GRIP1: variants seen among roughly 807,000 people sequenced by gnomAD.
The protein encoded by GRIP1 is glutamate receptor interacting protein 1.
In GRIP1, 45 loss-of-function variants were observed where a neutral mutation model predicts 129.9. The ratio of observed to expected loss-of-function variants is 0.35; its 90% confidence interval spans 0.27 to 0.44. GRIP1 has a LOEUF of 0.44. GRIP1 is among the 20% of genes least tolerant of loss of function. GRIP1 has a pLI of 1.00. For synonymous variants in GRIP1, 530 were observed against 520.8 expected (o/e 1.02, Z -0.24); for missense variants, 1,196 against 1,396.8 (o/e 0.86, Z 2.29).
intron 1 of GRIP1, among the ~76,000 whole-genome samples, chr12:66,778,728 C>A (rs2038065772): frequency 6.6e-6 from 1 of 152,180 alleles, no homozygotes; most frequent in South Asian, 2.1e-4. Flanking sequence ...CAGTGTAGTG[C>A]TGGAGGTGCT....
intron 23 of GRIP1, among the ~76,000 whole-genome samples, chr12:66,360,343 A>G (rs1361800320): frequency 6.6e-6 from 1 of 152,082 alleles, no homozygotes; most frequent in Non-Finnish European, 1.5e-5. Context: ...GTCCTGCTCC[A>G]TGCTCCTATG....
At chr12:66,949,630 G>A (rs1309115381) in intron 1 of GRIP1, among the ~76,000 whole-genome samples, 1 of 152,006 alleles carries the variant, frequency 6.6e-6, no homozygotes, top group Non-Finnish European at 1.5e-5. Context: ...ATTTTAAAAA[G>A]TAGACACAAA....
At chr12:66,689,951 C>G (rs947171402) in intron 1 of GRIP1, among the ~76,000 whole-genome samples, 3 of 152,016 alleles carry the variant, frequency 2.0e-5, no homozygotes, top group Non-Finnish European at 4.4e-5. Flanking sequence ...CAGGGCCTCG[C>G]TTTCTTGCCC....
intron 1 of GRIP1, among the ~76,000 whole-genome samples, chr12:66,611,739 G>T (rs1416967297): frequency 1.3e-5 from 2 of 152,078 alleles, no homozygotes; most frequent in African/African-American, 4.8e-5. Flanking sequence ...TATCTTTTCT[G>T]CCATCAGCAA....
intron 7 of GRIP1, among the ~76,000 whole-genome samples, chr12:66,513,754 T>C (rs1218605741): frequency 2.6e-5 from 4 of 152,252 alleles, no homozygotes; most frequent in South Asian, 4.1e-4. Flanking sequence ...GACTAGGAAC[T>C]CTAGGGTGTG....
In GRIP1 at chr12:66,539,088, A is replaced by T. The variant is rs1415620920; in HGVS notation, c.408T>A (p.Leu136=). Residue 136 remains leucine (L), a synonymous_variant, in exon 4 of 25, where the codon CTT becomes CTA. Transcript: ENST00000359742. Reference sequence around the variant, plus strand: ...GGCTACTGTACTTACAGACCGGTGGAAGCTCGTACTCTACTTCAAGAACCA... The same window carrying T: ...GGCTACTGTACTTACAGACCGGTGGTAGCTCGTACTCTACTTCAAGAACCA... ...ERVVLEVEYE[L]PPVSVQGSSV... is the part of the protein sequence containing the mutation. 1 of 1,613,692 alleles carries T rather than the reference A, an allele frequency of 6.2e-7. No individual in the cohort carries two copies. Among genetic ancestry groups the T allele is most frequent in the East Asian group, 2.2e-5 (1 of 44,860 alleles).
At chr12:66,559,701 T>C (rs1403744107) in intron 2 of GRIP1, among the ~76,000 whole-genome samples, 5 of 152,166 alleles carry the variant, frequency 3.3e-5, no homozygotes, top group Non-Finnish European at 5.9e-5. Flanking sequence ...AGATACTCCA[T>C]GTTCATGGAT....
chr12:67,019,455 G>A (rs1305415235), intron 1 of GRIP1, among the ~76,000 whole-genome samples: 1 of 152,212 alleles, frequency 6.6e-6, no homozygotes, highest in Non-Finnish European at 1.5e-5. Context: ...GGAAGGAAGG[G>A]CAGTATGTTA....
At chr12:66,511,625 A>T (rs7973654) in intron 7 of GRIP1, among the ~76,000 whole-genome samples, 74,753 of 151,952 alleles carry the variant, frequency 0.49, 18,936 homozygotes, top group African/African-American at 0.62. Flanking sequence ...ATTTGCCCCA[A>T]GCTAAATCAT....
intron 2 of GRIP1, among the ~76,000 whole-genome samples, chr12:66,576,953 C>T (rs1422711669): frequency 2.6e-5 from 4 of 152,148 alleles, no homozygotes; most frequent in Non-Finnish European, 4.4e-5. Context: ...TCATAATCTG[C>T]GTTGAGTATT....
chr12:66,549,895 A>C (rs2062069008), intron 2 of GRIP1, among the ~76,000 whole-genome samples: 1 of 152,202 alleles, frequency 6.6e-6, no homozygotes, highest in Non-Finnish European at 1.5e-5. Context: ...GCACCTCCAA[A>C]GAAAGGGGAT....
intron 23 of GRIP1, among the ~76,000 whole-genome samples, chr12:66,355,054 A>G (rs752280135): frequency 2.6e-5 from 4 of 152,194 alleles, no homozygotes; most frequent in South Asian, 4.1e-4. Context: ...GCCACTAAAC[A>G]TGCACCTCTC....
chr12:67,024,311 C>T (rs897191022), intron 1 of GRIP1, among the ~76,000 whole-genome samples: 3 of 152,006 alleles, frequency 2.0e-5, no homozygotes, highest in Non-Finnish European at 2.9e-5. Flanking sequence ...GCTGGGTCCA[C>T]GTTAGGAAGA....
intron 2 of GRIP1, among the ~76,000 whole-genome samples, chr12:66,578,326 C>T (rs1475827377): frequency 2.8e-5 from 4 of 145,170 alleles, no homozygotes; most frequent in African/African-American, 7.7e-5. Context: ...CCAGTGTGAG[C>T]GACGCAGAAG....
intron 15 of GRIP1, among the ~76,000 whole-genome samples, chr12:66,419,820 G>A (rs1259016632): frequency 6.6e-6 from 1 of 152,216 alleles, no homozygotes; most frequent in Admixed American, 6.5e-5. Flanking sequence ...CTTGGGCTGG[G>A]TGTGGCGGTT....
chr12:66,590,909 CT>C (rs948978243), intron 2 of GRIP1, among the ~76,000 whole-genome samples: 1 of 152,016 alleles, frequency 6.6e-6, no homozygotes, highest in Non-Finnish European at 1.5e-5. Flanking sequence ...ACTTGTTGCA[CT>C]TTTTTTTGTA....
At chr12:66,812,901 C>G (rs1466291055) in intron 1 of GRIP1, among the ~76,000 whole-genome samples, 1 of 152,156 alleles carries the variant, frequency 6.6e-6, no homozygotes, top group Non-Finnish European at 1.5e-5. Flanking sequence ...TTGTCTCACA[C>G]TAAATCTGAT....
At chr12:67,063,893 ATAAAATG>A (rs1449064387) in intron 1 of GRIP1, among the ~76,000 whole-genome samples, 1 of 152,228 alleles carries the variant, frequency 6.6e-6, no homozygotes, top group African/African-American at 2.4e-5. Flanking sequence ...CTTTAATTAA[ATAAAATG>A]TCGGCAAAGG....
At chr12:66,700,585 T>A (rs938580147) in intron 1 of GRIP1, among the ~76,000 whole-genome samples, 2 of 152,082 alleles carry the variant, frequency 1.3e-5, no homozygotes, top group African/African-American at 4.8e-5. Flanking sequence ...GTAGCTAGGA[T>A]GACAGGTGCA....
Sources: allele counts gnomAD v4.1 joint callset (sites outside exome capture counted in the v4.1 genomes callset), GRCh38; gene constraint gnomAD v4.1.1; transcripts MANE v1.5; gene names NCBI Gene and HGNC (gene_info 2026-07-23, HGNC 2026-07-21).